Variants in PARD3B observed in about 807,000 individuals in gnomAD.
The protein encoded by PARD3B is par-3 family cell polarity regulator beta.
A neutral mutation model predicts 130.2 loss-of-function variants in PARD3B; 103 were observed. That is an observed-to-expected ratio of 0.79 (90% CI 0.67 to 0.93). PARD3B has a LOEUF of 0.93. Among genes scored for constraint, PARD3B ranks in the 40% least tolerant of loss-of-function variants. The pLI is 0.00. For synonymous variants in PARD3B, 583 were observed against 553.2 expected, an observed-to-expected ratio of 1.05 and a Z score of -0.76; for missense variants, 1,609 against 1,499.2, an observed-to-expected ratio of 1.07 and a Z score of -1.21.
At chr2:204,594,259 A>G (rs1574515263) in intron 1 of PARD3B, among the ~76,000 whole-genome samples, 1 of 152,208 alleles carries the variant, frequency 6.6e-6, no homozygotes, top group Non-Finnish European at 1.5e-5. Flanking sequence ...TGTGCATTTC[A>G]GTAAATATAA....
chr2:205,417,570 T>C (rs1041231553), intron 19 of PARD3B, among the ~76,000 whole-genome samples: 3 of 152,200 alleles, frequency 2.0e-5, no homozygotes, highest in African/African-American at 7.2e-5. Flanking sequence ...GAACCTTTAT[T>C]TTCAGGAGGA....
At chr2:205,395,935 C>G (rs1443366357) in intron 18 of PARD3B, among the ~76,000 whole-genome samples, 4 of 152,206 alleles carry the variant, frequency 2.6e-5, no homozygotes, top group Non-Finnish European at 5.9e-5. Flanking sequence ...GAAATGACCT[C>G]CCATCACTCT....
intron 18 of PARD3B, among the ~76,000 whole-genome samples, chr2:205,339,729 G>T (rs975254208): frequency 1.3e-4 from 20 of 152,166 alleles, no homozygotes; most frequent in Non-Finnish European, 2.9e-5. Context: ...ACTTTGTTCA[G>T]TTACGGGCGC....
chr2:204,960,215 A>G (rs1460049827), intron 2 of PARD3B, among the ~76,000 whole-genome samples: 4 of 152,194 alleles, frequency 2.6e-5, no homozygotes, highest in African/African-American at 7.2e-5. Flanking sequence ...AAAGCTTTAC[A>G]ATAGATAAAT....
At chr2:204,802,504 G>A (rs1450315045) in intron 2 of PARD3B, among the ~76,000 whole-genome samples, 1 of 151,998 alleles carries the variant, frequency 6.6e-6, no homozygotes, top group Non-Finnish European at 1.5e-5. Context: ...TATACCCAAA[G>A]GATTATAAAT....
chr2:205,129,119 T>C (rs2031743425), intron 10 of PARD3B, among the ~76,000 whole-genome samples: 2 of 152,224 alleles, frequency 1.3e-5, no homozygotes, highest in South Asian at 2.1e-4. Context: ...TTCTAGCAAA[T>C]ATCTAGACTC....
chr2:205,260,694 C>A (rs573854199), intron 16 of PARD3B, among the ~76,000 whole-genome samples: 1 of 152,138 alleles, frequency 6.6e-6, no homozygotes, highest in African/African-American at 2.4e-5. Flanking sequence ...GATTTAATAC[C>A]TCTAAGAGGT....
rs916469317 is a variant in PARD3B at position 205,366,980 on chromosome 2, A to G, written c.2631-34033A>G. Among the ~76,000 whole-genome samples the G allele has an allele frequency of 6.6e-6, 1 of 152,186 alleles. No individual in the cohort carries two copies. The highest frequency in any genetic ancestry group is 2.4e-5 in the African/African-American group (1 of 41,444). On this transcript the variant is annotated intron_variant, in intron 18 of 22. Transcript: ENST00000406610. The surrounding 1 kb of genome is among the most constrained non-coding windows in gnomAD (Gnocchi z 5.0). ...CAAAACCTGTGCTGAACAGCCCCCAATATCTTTGTCTACCAAGGAGTCTGA... is the reference window on the plus strand; with the variant it reads ...CAAAACCTGTGCTGAACAGCCCCCAGTATCTTTGTCTACCAAGGAGTCTGA...
intron 21 of PARD3B, among the ~76,000 whole-genome samples, chr2:205,510,837 G>A (rs1407128915): frequency 8.5e-5 from 13 of 152,318 alleles, no homozygotes; most frequent in Non-Finnish European, 1.8e-4. Context: ...CATTTACTCA[G>A]TGCTGACTCT....
intron 21 of PARD3B, among the ~76,000 whole-genome samples, chr2:205,526,683 G>GAATT (rs1383369894): frequency 6.6e-6 from 1 of 152,080 alleles, no homozygotes; most frequent in African/African-American, 2.4e-5. Context: ...GTAAGATGGT[G>GAATT]AATTAATTGA....
intron 10 of PARD3B, among the ~76,000 whole-genome samples, chr2:205,127,666 C>T (rs549271281): frequency 6.6e-6 from 1 of 152,142 alleles, no homozygotes; most frequent in Non-Finnish European, 1.5e-5. Context: ...TTCCCATCAT[C>T]TTACCCATTT....
intron 3 of PARD3B, among the ~76,000 whole-genome samples, chr2:204,999,365 T>A (rs1305420788): frequency 1.3e-5 from 2 of 152,240 alleles, no homozygotes; most frequent in African/African-American, 4.8e-5. Context: ...ATGATTTTTT[T>A]AAAACATTTA....
At chr2:205,112,727 C>T (rs1469599163) in intron 5 of PARD3B, among the ~76,000 whole-genome samples, 1 of 152,006 alleles carries the variant, frequency 6.6e-6, no homozygotes, top group Non-Finnish European at 1.5e-5. Flanking sequence ...CTCCCAGTGC[C>T]TTCTATATTT....
Position 205,288,527 on chromosome 2 carries a change from G to C in PARD3B, c.2186-12003G>C, listed in dbSNP as rs776048562. On this transcript the variant is annotated intron_variant, in intron 16 of 22. Coordinates refer to ENST00000406610, the MANE Select transcript of PARD3B (RefSeq NM_001302769.2). The surrounding 1 kb of genome is among the most constrained non-coding windows in gnomAD (Gnocchi z 4.0). ...CCAATATCATCAAGCGTTTACTCTG[G>C]TAAAAAAACTTCATGGCTTTCTATT... 6.6e-6 allele frequency among the ~76,000 whole-genome samples: 1 copy of C among 151,916 alleles called. No homozygotes were observed. Among genetic ancestry groups the C allele is most frequent in the African/African-American group, 2.4e-5 (1 of 41,330 alleles).
At chr2:204,641,520 G>A (rs1002834159) in intron 1 of PARD3B, among the ~76,000 whole-genome samples, 22 of 151,916 alleles carry the variant, frequency 1.4e-4, no homozygotes, top group Non-Finnish European at 2.5e-4. Context: ...GTTCATGCTT[G>A]TTGTAAATAA....
At chr2:205,410,762 G>A (rs1314623368) in intron 19 of PARD3B, among the ~76,000 whole-genome samples, 1 of 151,992 alleles carries the variant, frequency 6.6e-6, no homozygotes, top group Non-Finnish European at 1.5e-5. Context: ...TTCCTTATTT[G>A]AACATTTGTT....
intron 21 of PARD3B, among the ~76,000 whole-genome samples, chr2:205,519,473 C>T (rs2050941484): frequency 6.6e-6 from 1 of 152,192 alleles, no homozygotes; most frequent in Non-Finnish European, 1.5e-5. Context: ...CCTTCAGCTC[C>T]TCTATCACTT....
chr2:205,588,052 G>C (rs376093323), intron 22 of PARD3B, among the ~76,000 whole-genome samples: 3 of 152,282 alleles, frequency 2.0e-5, no homozygotes, highest in African/African-American at 7.2e-5. Context: ...AGAACAGGAA[G>C]GAAAGGCAAA....
At chr2:204,738,205 G>T (rs6730681) in intron 2 of PARD3B, among the ~76,000 whole-genome samples, 2 of 151,920 alleles carry the variant, frequency 1.3e-5, no homozygotes, top group African/African-American at 2.4e-5. Context: ...TAATCCATGA[G>T]CATGGGATGC....
Sources: gnomAD v4.1 joint callset for allele counts (sites outside exome capture counted in the v4.1 genomes callset) on GRCh38, gnomAD v4.1.1 for gene constraint, Gnocchi (gnomAD v3.1) non-coding constraint, MANE v1.5 for transcripts, NCBI Gene and HGNC (gene_info 2026-07-23, HGNC 2026-07-21) for gene names.